The following WDPCP variants were observed in gnomAD, a reference collection of about 807,000 sequenced individuals.
WDPCP encodes the protein WD repeat-containing and planar cell polarity effector protein fritz homolog.
A neutral mutation model predicts 93.1 loss-of-function variants in WDPCP; 71 were observed. The ratio of observed to expected loss-of-function variants is 0.76; its 90% confidence interval spans 0.63 to 0.93. WDPCP has a LOEUF of 0.93. Ranked by LOEUF, WDPCP falls within the 40% of genes least tolerant of loss-of-function variation. WDPCP has a pLI of 0.00. For missense variants in WDPCP, 844 were observed against 887.4 expected, an observed-to-expected ratio of 0.95 and a Z score of 0.62; for synonymous variants, 315 against 315.0, an observed-to-expected ratio of 1.00 and a Z score of 0.00.
chr2:63,253,002 C>G (rs1217332538), intron 14 of WDPCP, among the ~76,000 whole-genome samples: 1 of 151,994 alleles, frequency 6.6e-6, no homozygotes, highest in Non-Finnish European at 1.5e-5. Context: ...CACCATTACC[C>G]AACTTTAAAC....
chr2:63,604,261 C>T (rs1709485151), intron 3 of WDPCP, among the ~76,000 whole-genome samples: 1 of 151,732 alleles, frequency 6.6e-6, no homozygotes, highest in Non-Finnish European at 1.5e-5. Flanking sequence ...AAAAATTTTA[C>T]CTAAATATAA....
chr2:63,727,406 G>A (rs1669508169), intron 2 of WDPCP, among the ~76,000 whole-genome samples: 2 of 152,140 alleles, frequency 1.3e-5, no homozygotes, highest in African/African-American at 2.4e-5. Context: ...CTACTTGATC[G>A]TATTGGATTA....
intron 1 of WDPCP, among the ~76,000 whole-genome samples, chr2:63,509,937 A>C (rs1246915711): frequency 2.0e-5 from 3 of 152,112 alleles, no homozygotes; most frequent in African/African-American, 7.2e-5. Flanking sequence ...AGGCAGTAAT[A>C]TATAGTCTAC....
intron 15 of WDPCP, among the ~76,000 whole-genome samples, chr2:63,154,426 C>T (rs1039567150): frequency 1.2e-4 from 18 of 152,106 alleles, no homozygotes; most frequent in African/African-American, 3.9e-4. Flanking sequence ...TGACTGACTT[C>T]TGTCATTCAG....
At chr2:63,449,701 A>G (rs561050558) in intron 6 of WDPCP, among the ~76,000 whole-genome samples, 57 of 152,268 alleles carry the variant, frequency 3.7e-4, no homozygotes, top group African/African-American at 1.2e-3. Flanking sequence ...GCACTACACC[A>G]GACAGAAAAC....
intron 6 of WDPCP, among the ~76,000 whole-genome samples, chr2:63,468,710 C>CA (rs1699509953): frequency 6.6e-6 from 1 of 152,144 alleles, no homozygotes; most frequent in African/African-American, 2.4e-5. Context: ...TCCCTCCCCC[C>CA]TTAGCAGGTA....
chr2:63,487,391 T>C lies in WDPCP; in HGVS notation c.208+56A>G. Reference sequence around the variant, plus strand: ...AAGAGAGCTTTTAATGGTCAGTATTTCATGGTTTAGAATATTTAGTTAATA... The same window carrying C: ...AAGAGAGCTTTTAATGGTCAGTATTCCATGGTTTAGAATATTTAGTTAATA... On this transcript the variant is annotated intron_variant, in intron 3 of 17. Coordinates refer to ENST00000272321, the MANE Select transcript of WDPCP (RefSeq NM_015910.7). 3.1e-6 allele frequency: 4 copies of C among 1,286,844 alleles called. No homozygotes were observed. In the East Asian group the frequency reaches 9.4e-5, roughly 30 times the overall value. The allele number at this position is 1,286,844 out of a possible 1,614,324, so 79.7% of individuals were successfully genotyped here. A position where few individuals can be genotyped will look rare whatever the true frequency, so the allele number is the denominator to read the frequency against.
chr2:63,696,457 A>G (rs747199483), intron 2 of WDPCP, among the ~76,000 whole-genome samples: 1 of 152,172 alleles, frequency 6.6e-6, no homozygotes, highest in Non-Finnish European at 1.5e-5. Flanking sequence ...TATCATTACC[A>G]TAACTAAGGA....
chr2:63,263,480 C>A (rs1681829100), intron 13 of WDPCP, among the ~76,000 whole-genome samples: 1 of 152,186 alleles, frequency 6.6e-6, no homozygotes, highest in African/African-American at 2.4e-5. Context: ...CATGTGTTTA[C>A]TCTGCCGTCT....
intron 12 of WDPCP, among the ~76,000 whole-genome samples, chr2:63,337,253 T>C (rs1688449319): frequency 6.6e-6 from 1 of 152,208 alleles, no homozygotes; most frequent in Non-Finnish European, 1.5e-5. Context: ...TGTCTTTCTG[T>C]GCTTGGCTTA....
Position 63,288,859 on chromosome 2 carries a change from T to C in WDPCP, c.1812+24389A>G, listed in dbSNP as rs1297653385. 2.0e-5 allele frequency among the ~76,000 whole-genome samples: 3 copies of C among 152,172 alleles called. No homozygotes were observed. In the East Asian group the frequency reaches 5.8e-4, roughly 29 times the overall value. On this transcript the variant is annotated intron_variant, in intron 13 of 17. Coordinates refer to ENST00000272321, the MANE Select transcript of WDPCP (RefSeq NM_015910.7). ...GCTCTTACTTTCTATGAACTTAGCATTTTTGAAGAGTATAGGCTGGTTATT... is the reference window on the plus strand; with the variant it reads ...GCTCTTACTTTCTATGAACTTAGCACTTTTGAAGAGTATAGGCTGGTTATT...
intron 12 of WDPCP, among the ~76,000 whole-genome samples, chr2:63,356,908 C>A (rs1211667059): frequency 6.6e-6 from 1 of 152,138 alleles, no homozygotes; most frequent in Non-Finnish European, 1.5e-5. Flanking sequence ...AAACAGCGTG[C>A]TACTGGTATA....
At chr2:63,368,322 A>AT (rs1553365332) in intron 12 of WDPCP, among the ~76,000 whole-genome samples, 4 of 34,214 alleles carry the variant, frequency 1.2e-4, no homozygotes, top group Admixed American at 4.1e-4. Flanking sequence ...TTATTTATTT[A>AT]TTTATTTATT....
At chr2:63,392,289 G>A (rs1017444357) in intron 10 of WDPCP, among the ~76,000 whole-genome samples, 3 of 152,170 alleles carry the variant, frequency 2.0e-5, no homozygotes, top group East Asian at 1.9e-4. Flanking sequence ...ATGGGGAAAG[G>A]ATTCCCTATT....
chr2:63,742,588 G>A (rs191406555), intron 2 of WDPCP, among the ~76,000 whole-genome samples: 130 of 151,178 alleles, frequency 8.6e-4, no homozygotes, highest in Non-Finnish European at 2.8e-4. Flanking sequence ...TATGCAGTCT[G>A]CCATGCCTAC....
At chr2:63,559,877 C>G (rs1170171514) in intron 1 of WDPCP, among the ~76,000 whole-genome samples, 1 of 152,052 alleles carries the variant, frequency 6.6e-6, no homozygotes, top group African/African-American at 2.4e-5. Context: ...TTTATAGATT[C>G]AATGTTATTC....
At chr2:63,534,449 C>CA (rs1704109285) in intron 1 of WDPCP, among the ~76,000 whole-genome samples, 1 of 152,076 alleles carries the variant, frequency 6.6e-6, no homozygotes, top group African/African-American at 2.4e-5. Flanking sequence ...AACATCAATG[C>CA]AAAAATCTTC....
chr2:63,687,194 G>C (rs759786245), intron 2 of WDPCP, among the ~76,000 whole-genome samples: 1 of 152,214 alleles, frequency 6.6e-6, no homozygotes, highest in Non-Finnish European at 1.5e-5. Flanking sequence ...GGACAAGCTT[G>C]ACGTAAATAT....
intron 17 of WDPCP, among the ~76,000 whole-genome samples, chr2:63,146,620 C>A (rs1474590084): frequency 6.6e-6 from 1 of 152,010 alleles, no homozygotes; most frequent in East Asian, 1.9e-4. Context: ...CGTGATCTAC[C>A]CGCCTCGGCC....
Sources: allele counts gnomAD v4.1 joint callset (sites outside exome capture counted in the v4.1 genomes callset), GRCh38; gene constraint gnomAD v4.1.1; transcripts MANE v1.5; gene names NCBI Gene and HGNC (gene_info 2026-07-23, HGNC 2026-07-21).